Variants in ENDOV observed in about 807,000 individuals in gnomAD.
The protein encoded by ENDOV is hEndoV.
A neutral mutation model predicts 39.4 loss-of-function variants in ENDOV; 37 were observed. The observed-to-expected ratio is 0.94, with a 90% CI of 0.72 to 1.23. The LOEUF is 1.23. Ranked by LOEUF, ENDOV falls within the 50% of genes most tolerant of loss-of-function variation. The pLI is 0.00. For missense variants in ENDOV, 441 were observed against 375.7 expected, an observed-to-expected ratio of 1.17 and a Z score of -1.44; for synonymous variants, 186 against 163.4, an observed-to-expected ratio of 1.14 and a Z score of -1.05.
intron 9 of ENDOV, among the ~76,000 whole-genome samples, chr17:80,431,808 C>T (rs147111221): frequency 2.6e-4 from 40 of 152,292 alleles, no homozygotes; most frequent in Admixed American, 3.3e-4. Context: ...GGACGGCTCA[C>T]GGCCCTCCCT....
In ENDOV at chr17:80,433,102, T is replaced by A. The variant is rs185605045; in HGVS notation, c.839-3031T>A. 4 of 519,926 alleles carry A rather than the reference T, an allele frequency of 7.7e-6. No individual in the cohort carries two copies. In the African/African-American group the frequency reaches 7.7e-5, roughly 10 times the overall value. The allele number at this position is 519,926 out of a possible 1,614,324, so 32.2% of individuals were successfully genotyped here. On this transcript the variant is annotated intron_variant, in intron 9 of 9. Coordinates refer to ENST00000518137, the MANE Select transcript of ENDOV (RefSeq NM_173627.5). Reference sequence around the variant, plus strand: ...CCCTCCTGACTTCTAGAGCTTTCCCTGTCCAGAGCTCCGGGAGCACAGGTG... The same window carrying A: ...CCCTCCTGACTTCTAGAGCTTTCCCAGTCCAGAGCTCCGGGAGCACAGGTG...
chr17:80,423,555 G>A lies in ENDOV; in HGVS notation c.439G>A (p.Asp147Asn). 6.6e-7 allele frequency: 1 copy of A among 1,517,202 alleles called. No individual in the cohort carries two copies. Among genetic ancestry groups the A allele is most frequent in the Non-Finnish European group, 8.9e-7 (1 of 1,125,514 alleles). The allele number at this position is 1,517,202 out of a possible 1,614,324, so 94.0% of individuals were successfully genotyped here. The stretch of plus-strand genomic sequence containing the variant: ...GGCCTGCCACCTTGGCGTCCTTACA[G>A]ACCTGCCGTGTGTTGGGGTGGCCAA... The part of the protein sequence containing the change: ...GVACHLGVLT[D>N]LPCVGVAKKL... The change falls in exon 5 of 10, where the codon GAC becomes AAC. Residue 147 changes from aspartate to asparagine, a missense_variant. By Grantham distance (23) the Asp-to-Asn change is conservative. Coordinates refer to ENST00000518137, the MANE Select transcript of ENDOV (RefSeq NM_173627.5).
chr17:80,426,617 C>T (rs1465701513), intron 7 of ENDOV, among the ~76,000 whole-genome samples: 2 of 152,212 alleles, frequency 1.3e-5, no homozygotes, highest in Non-Finnish European at 2.9e-5. Context: ...GGCCACTGCA[C>T]TCCAGCCTGG....
chr17:80,424,200 T>G (rs922228609), intron 5 of ENDOV: 2 of 399,384 alleles, frequency 5.0e-6, no homozygotes, highest in African/African-American at 4.1e-5. Flanking sequence ...TGGCAGATTC[T>G]GAGAGCAGAG....
chr17:80,421,343 C>A (rs1433130516), intron 2 of ENDOV, among the ~76,000 whole-genome samples: 2 of 150,618 alleles, frequency 1.3e-5, no homozygotes, highest in Non-Finnish European at 3.0e-5. Context: ...TGGACCAGGT[C>A]CTGGGGGCTC....
rs142766057 is a variant in ENDOV, at chr17:80,419,935, C to A, written c.229-1893C>A. 2.9e-4 allele frequency: 136 copies of A among 467,458 alleles called. 2 individuals carry two copies. Among genetic ancestry groups the A allele is most frequent in the African/African-American group, 1.9e-3 (99 of 51,572 alleles). 29.0% of individuals were successfully genotyped at this position (467,458 alleles called of 1,614,324 possible). A position where few individuals can be genotyped will look rare whatever the true frequency, so the allele number is the denominator to read the frequency against. On this transcript the variant is annotated intron_variant, in intron 2 of 9. Coordinates refer to ENST00000518137, the MANE Select transcript of ENDOV (RefSeq NM_173627.5). ...AGATTGCTGGTCATCCAGACCTGCC[C>A]CCTACGCTAATCATACAGTGATTTT...
chr17:80,415,816 C>A lies in ENDOV; in HGVS notation c.223C>A (p.Leu75Ile). ...ASLVVLSFPELEVVYEESRMV... is the reference protein window; with the variant it reads ...ASLVVLSFPEIEVVYEESRMV... ...CCTGGTGGTGCTCAGCTTCCCTGAGCTCGAGGTAACCTGGGAGGACGCCGA... is the reference window on the plus strand; with the variant it reads ...CCTGGTGGTGCTCAGCTTCCCTGAGATCGAGGTAACCTGGGAGGACGCCGA... Residue 75 changes from leucine (L) to isoleucine (I), a missense_variant, in exon 2 of 10, where the codon CTC becomes ATC. Coordinates refer to ENST00000518137, the MANE Select transcript of ENDOV (RefSeq NM_173627.5). The A allele has an allele frequency of 6.3e-7, 1 of 1,592,754 alleles. No individual in the cohort carries two copies. The highest frequency in any genetic ancestry group is 8.5e-7 in the Non-Finnish European group (1 of 1,169,750).
intron 7 of ENDOV, among the ~76,000 whole-genome samples, chr17:80,426,210 C>T (rs893076299): frequency 6.6e-6 from 1 of 152,290 alleles, no homozygotes; most frequent in African/African-American, 2.4e-5. Flanking sequence ...CAGACAGCCT[C>T]GATAGGACCA....
rs904043565 is a variant in ENDOV, at chr17:80,420,002, C to G, written c.229-1826C>G. On this transcript the variant is annotated intron_variant, in intron 2 of 9. Transcript: ENST00000518137. ...TAATTTGAAAATGTACATACATCCCCCCAAATTGGAAAAGGATACGTTGGA... is the reference window on the plus strand; with the variant it reads ...TAATTTGAAAATGTACATACATCCCGCCAAATTGGAAAAGGATACGTTGGA... The G allele has an allele frequency of 1.9e-5, 6 of 308,384 alleles. No homozygotes were observed. In the Admixed American group the frequency reaches 2.7e-4, roughly 14 times the overall value. 19.1% of individuals were successfully genotyped at this position (308,384 alleles called of 1,614,324 possible). A position where few individuals can be genotyped will look rare whatever the true frequency, so the allele number is the denominator to read the frequency against.
intron 5 of ENDOV, chr17:80,424,340 T>C (rs2082423823): frequency 2.5e-6 from 1 of 399,656 alleles, no homozygotes. Context: ...AATACCAGCC[T>C]GTTGAGCTGT....
intron 9 of ENDOV, among the ~76,000 whole-genome samples, chr17:80,432,622 A>G (rs2083398654): frequency 6.6e-6 from 1 of 152,074 alleles, no homozygotes; most frequent in African/African-American, 2.4e-5. Flanking sequence ...GGGACCCCTC[A>G]TGCTGGCCCC....
At chr17:80,430,134 G>A (rs1467815609) in intron 9 of ENDOV, 32 of 1,525,500 alleles carry the variant, frequency 2.1e-5, no homozygotes, top group Admixed American at 4.0e-5. Context: ...AGGTGACCAC[G>A]GCCCCTCTTT....
chr17:80,417,639 A>G (rs1294510538), intron 2 of ENDOV: 1 of 152,174 alleles, frequency 6.6e-6, no homozygotes, highest in South Asian at 2.1e-4. Flanking sequence ...TCGTAATACC[A>G]TCACCTATGG....
At position 80,431,208 on chromosome 17, in the gene ENDOV, T is replaced by C. The variant is rs914525141; in HGVS notation, c.838+1377T>C. ...CCCCTTCAAGAAGGTGCTATCCTGG[T>C]GTTCCTGAGGAGCAGGGCGAGCCTG... On this transcript the variant is annotated intron_variant, in intron 9 of 9. Coordinates refer to ENST00000518137, the MANE Select transcript of ENDOV (RefSeq NM_173627.5). Among the ~76,000 whole-genome samples the C allele has an allele frequency of 2.0e-5, 3 of 152,146 alleles. No individual in the cohort carries two copies. The South Asian group carries it at 6.2e-4, about 32-fold the overall frequency.
chr17:80,420,082 T>C (rs568452247), intron 2 of ENDOV: 19 of 229,712 alleles, frequency 8.3e-5, no homozygotes, highest in Admixed American at 3.1e-4. Flanking sequence ...ATATTCTCTC[T>C]CGCGCACATG....
At chr17:80,423,462 TC>T in intron 4 of ENDOV, 57 bp from the exon 5 acceptor site, 1 of 1,480,802 alleles carries the variant, frequency 6.8e-7, no homozygotes, top group Admixed American at 2.0e-5. Flanking sequence ...TTGTCCTGAA[TC>T]CCTGTGCCAG....
intron 2 of ENDOV, chr17:80,419,738 C>A: frequency 1.4e-6 from 1 of 695,320 alleles, no homozygotes; most frequent in South Asian, 1.5e-5. Flanking sequence ...GCCCTCTGGT[C>A]ATGCCCTCCG....
chr17:80,419,529 G>A, intron 2 of ENDOV: 1 of 698,534 alleles, frequency 1.4e-6, no homozygotes, highest in Non-Finnish European at 2.6e-6. Context: ...GCAATGGCTA[G>A]TGTGTTCTGC....
intron 9 of ENDOV, chr17:80,430,225 G>A: frequency 7.5e-6 from 11 of 1,471,606 alleles, no homozygotes; most frequent in East Asian, 2.5e-5. Context: ...GATCCTGAGA[G>A]CGCATGAGAC....
Sources: gnomAD v4.1 joint callset for allele counts (sites outside exome capture counted in the v4.1 genomes callset) on GRCh38, gnomAD v4.1.1 for gene constraint, MANE v1.5 for transcripts, NCBI Gene and HGNC (gene_info 2026-07-23, HGNC 2026-07-21) for gene names.